Variants in ZFHX3 observed in about 807,000 individuals in gnomAD.
The protein encoded by ZFHX3 is zinc finger homeobox 3.
Under a neutral mutation model 279.1 loss-of-function variants are expected in ZFHX3, and 42 were observed. That is an observed-to-expected ratio of 0.15 (90% CI 0.12 to 0.19). The LOEUF (loss-of-function observed/expected upper bound fraction) is 0.19, where lower values mean the gene tolerates loss of function less well. Among genes scored for constraint, ZFHX3 ranks in the 10% least tolerant of loss-of-function variants. The pLI is 1.00. For synonymous variants in ZFHX3, 2,293 were observed against 1,957.8 expected (o/e 1.17, Z -4.52); for missense variants, 4,981 against 4,754.0 (o/e 1.05, Z -1.40).
At chr16:73,153,450 G>C (rs1056214181) in intron 5 of ZFHX3, among the ~76,000 whole-genome samples, 4 of 151,686 alleles carry the variant, frequency 2.6e-5, no homozygotes, top group Admixed American at 2.6e-4. Context: ...TTAGATCCTT[G>C]ATATTTTTCT....
In ZFHX3 at chr16:72,787,710, G is replaced by A. The variant is rs914626552; in HGVS notation, c.10566C>T (p.Gly3522=). 6.2e-5 allele frequency: 86 copies of A among 1,379,870 alleles called. No individual in the cohort carries two copies. Among genetic ancestry groups the A allele is most frequent in the Middle Eastern group, 4.0e-4 (2 of 4,968 alleles). The allele number at this position is 1,379,870 out of a possible 1,614,324, so 85.5% of individuals were successfully genotyped here. ...AGTGGTACGAGCCGCCGCCGCCGCC[G>A]CCGCCGCCACCGCCGCCGCCGCCGC... is the stretch of plus-strand genomic sequence containing the variant. ...GSGGGGGGGG[G]GGGGGSYHCL... The change falls in exon 10 of 10, where the codon GGC becomes GGT. Residue 3522 remains glycine (G), a synonymous_variant. Transcript: ENST00000268489.
intron 2 of ZFHX3, among the ~76,000 whole-genome samples, chr16:73,615,996 C>T (rs1021239872): frequency 2.0e-5 from 3 of 151,992 alleles, no homozygotes; most frequent in Non-Finnish European, 4.4e-5. Flanking sequence ...TCAGGGGAGA[C>T]ATAAAAGCAA....
At position 72,784,409 on chromosome 16, in the gene ZFHX3, A is replaced by G. The variant is rs933838578; in HGVS notation, c.*2755T>C. On this transcript the variant is annotated 3_prime_UTR_variant, in exon 10 of 10. Coordinates refer to ENST00000268489, the MANE Select transcript of ZFHX3 (RefSeq NM_006885.4). ...ATTTTTAAAAACAACGTTTTCAGAG[A>G]AGACCTAGCAGAATTTGACAGGTAA... is the stretch of plus-strand genomic sequence containing the variant. 3 of 152,730 alleles carry G rather than the reference A, an allele frequency of 2.0e-5. No individual in the cohort carries two copies. The highest frequency in any genetic ancestry group is 2.0e-4 in the Admixed American group (3 of 15,292). The allele number at this position is 152,730 out of a possible 1,614,324, so 9.5% of individuals were successfully genotyped here.
intron 4 of ZFHX3, among the ~76,000 whole-genome samples, chr16:73,284,775 T>C (rs2014551920): frequency 1.3e-5 from 2 of 152,250 alleles, no homozygotes; most frequent in African/African-American, 4.8e-5. Context: ...TTCAATATTA[T>C]GACCAACACT....
chr16:72,799,975 T>C lies in ZFHX3; in HGVS notation c.3967+52A>G, dbSNP rs545855446. 60 of 1,520,912 alleles carry C rather than the reference T, an allele frequency of 3.9e-5. No homozygotes were observed. In the Admixed American group the frequency reaches 4.5e-4, roughly 11 times the overall value. 94.2% of individuals were successfully genotyped at this position (1,520,912 alleles called of 1,614,324 possible). ...CTGAAAACCTTTCTCCATGAACATT[T>C]TGGCATTCCATCTTGTTTCAATTTC... On this transcript the variant is annotated intron_variant, in intron 8 of 9. Coordinates refer to ENST00000268489, the MANE Select transcript of ZFHX3 (RefSeq NM_006885.4).
At chr16:73,868,720 G>C (rs1326769224) in intron 1 of ZFHX3, among the ~76,000 whole-genome samples, 1 of 151,988 alleles carries the variant, frequency 6.6e-6, no homozygotes, top group Non-Finnish European at 1.5e-5. Context: ...TAAATGTAAA[G>C]GCTATCCCAG....
chr16:73,353,963 T>C (rs1196754832), intron 3 of ZFHX3, among the ~76,000 whole-genome samples: 2 of 152,206 alleles, frequency 1.3e-5, no homozygotes, highest in Non-Finnish European at 2.9e-5. Flanking sequence ...TTAATATTCA[T>C]AATGAAGCAA....
At position 73,026,673 on chromosome 16, in the gene ZFHX3, C is replaced by CAAAAAAAAAAAAA. The variant is rs10561679; in HGVS notation, c.-50+21066_-50+21078dup. Among the ~76,000 whole-genome samples the CAAAAAAAAAAAAA allele has an allele frequency of 1.6e-3, 126 of 79,546 alleles. 2 individuals carry two copies. The highest frequency in any genetic ancestry group is 8.3e-3 in the Middle Eastern group (1 of 120). The allele number at this position is 79,546 out of a possible 152,430, so 52.2% of individuals were successfully genotyped here. A position where few individuals can be genotyped will look rare whatever the true frequency, so the allele number is the denominator to read the frequency against. ...CCCGGCAACAAGAGCAAAACTGCCT[C>CAAAAAAAAAAAAA]AAAAAAAAAAAAAAAAAAAAAACAC... On this transcript the variant is annotated intron_variant, in intron 1 of 9. Transcript: ENST00000268489.
intron 4 of ZFHX3, among the ~76,000 whole-genome samples, chr16:73,314,610 G>A (rs1038595159): frequency 6.6e-6 from 1 of 152,124 alleles, no homozygotes; most frequent in African/African-American, 2.4e-5. Context: ...TAGGTGACAT[G>A]AAATGAGGGG....
At position 72,832,308 on chromosome 16, in the gene ZFHX3, G is replaced by T. The variant is rs1567538328; in HGVS notation, c.3449-2449C>A. On this transcript the variant is annotated intron_variant, in intron 4 of 9. Transcript: ENST00000268489. Reference sequence around the variant, plus strand: ...TGTAATGTATAAGCAGATCATTGATGCATCAAGCATGGAAACTGCATGTTG... The same window carrying T: ...TGTAATGTATAAGCAGATCATTGATTCATCAAGCATGGAAACTGCATGTTG... Among the ~76,000 whole-genome samples, 3 of 152,096 alleles carry T rather than the reference G, an allele frequency of 2.0e-5. No homozygotes were observed. In the East Asian group the frequency reaches 5.8e-4, roughly 29 times the overall value.
chr16:73,310,414 T>A (rs918584311), intron 4 of ZFHX3, among the ~76,000 whole-genome samples: 3 of 152,264 alleles, frequency 2.0e-5, no homozygotes, highest in Admixed American at 2.0e-4. Context: ...TCCTTTGCTG[T>A]CTGCACTCGG....
intron 2 of ZFHX3, among the ~76,000 whole-genome samples, chr16:73,527,999 T>G (rs2019724281): frequency 6.6e-6 from 1 of 152,224 alleles, no homozygotes; most frequent in African/African-American, 2.4e-5. Context: ...TTGTTATGTA[T>G]CAATAGAAAA....
chr16:72,786,685 C>CT lies in ZFHX3; in HGVS notation c.*478dup, dbSNP rs1424150166. On this transcript the variant is annotated 3_prime_UTR_variant, in exon 10 of 10. Coordinates refer to ENST00000268489, the MANE Select transcript of ZFHX3 (RefSeq NM_006885.4). ...CTGAGAATAAAAAGACATTACATTT[C>CT]TTTTTTTCTTTTAGCAAGCCATTGG... 6.6e-6 allele frequency: 1 copy of CT among 151,870 alleles called. No individual in the cohort carries two copies. Among genetic ancestry groups the CT allele is most frequent in the Non-Finnish European group, 1.5e-5 (1 of 67,882 alleles). 9.4% of individuals were successfully genotyped at this position (151,870 alleles called of 1,614,324 possible).
chr16:73,623,789 T>G (rs2052390800), intron 2 of ZFHX3, among the ~76,000 whole-genome samples: 1 of 152,202 alleles, frequency 6.6e-6, no homozygotes, highest in South Asian at 2.1e-4. Flanking sequence ...TCCAAACCTT[T>G]CCTGGTGGTG....
chr16:73,642,149 C>G (rs1597042639), intron 2 of ZFHX3, among the ~76,000 whole-genome samples: 2 of 152,200 alleles, frequency 1.3e-5, no homozygotes, highest in Non-Finnish European at 1.5e-5. Flanking sequence ...TTCCCAGTCT[C>G]TCGTGAAAGC....
intron 3 of ZFHX3, among the ~76,000 whole-genome samples, chr16:73,378,867 C>A (rs146511314): frequency 6.6e-6 from 1 of 152,304 alleles, no homozygotes; most frequent in African/African-American, 2.4e-5. Context: ...TCACCTCTGA[C>A]CTTCCGAGAT....
In ZFHX3 at chr16:72,787,169, A is replaced by G. The variant is rs2035421496; in HGVS notation, c.11107T>C (p.Leu3703=). The G allele has an allele frequency of 4.5e-6, 7 of 1,555,666 alleles. No homozygotes were observed. In the South Asian group the frequency reaches 4.9e-5, roughly 11 times the overall value. The part of the protein sequence containing the change: ...LTSVGTDTFR[L] ...GTATTGTTCATCTTCAAAGCTTACAATCTGAAGGTGTCCGTTCCTACACTG... is the reference window on the plus strand; with the variant it reads ...GTATTGTTCATCTTCAAAGCTTACAGTCTGAAGGTGTCCGTTCCTACACTG... The change falls in exon 10 of 10, where the codon TTG becomes CTG. Residue 3703 remains leucine, a synonymous_variant. Transcript: ENST00000268489.
In ZFHX3 at chr16:72,958,497, G is replaced by A. The variant is rs778513809; in HGVS notation, c.1649C>T (p.Thr550Ile). Reference protein sequence around the residue: ...LQTLSRGTASTSSNSASSFVV... With the variant: ...LQTLSRGTASISSNSASSFVV... ...AAAGGAAGAAGCAGAATTAGAACTA[G>A]TAGAAGCTGTGCCCCTCGACAGGGT... The change falls in exon 2 of 10, where the codon ACT becomes ATT. Residue 550 changes from threonine to isoleucine, a missense_variant. Thr to Ile is a moderately conservative substitution (Grantham distance 89, BLOSUM62 -1). This residue lies in a region of ZFHX3 where 1,068 missense variants were observed against 935.2 expected (regional missense o/e 1.14). Coordinates refer to ENST00000268489, the MANE Select transcript of ZFHX3 (RefSeq NM_006885.4). 10 of 1,614,068 alleles carry A rather than the reference G, an allele frequency of 6.2e-6. No homozygotes were observed. The highest frequency in any genetic ancestry group is 8.5e-6 in the Non-Finnish European group (10 of 1,180,046).
intron 2 of ZFHX3, among the ~76,000 whole-genome samples, chr16:73,456,632 TTCTC>T (rs528950373): frequency 3.9e-5 from 6 of 152,208 alleles, no homozygotes; most frequent in Non-Finnish European, 8.8e-5. Flanking sequence ...ACAAGCTTCT[TTCTC>T]TCTTCTGTTT....
Sources: allele counts gnomAD v4.1 joint callset (sites outside exome capture counted in the v4.1 genomes callset), GRCh38; gene constraint gnomAD v4.1.1; regional missense constraint gnomAD v4.1.1; transcripts MANE v1.5; gene names NCBI Gene and HGNC (gene_info 2026-07-23, HGNC 2026-07-21).